The following MKRN2OS variants were observed in gnomAD, a reference collection of about 807,000 sequenced individuals.
MKRN2OS encodes MKRN2 opposite strand protein.
Under a neutral mutation model 18.2 loss-of-function variants are expected in MKRN2OS, and 17 were observed. The observed-to-expected ratio is 0.93, with a 90% CI of 0.64 to 1.40. MKRN2OS has a LOEUF of 1.40. Among genes scored for constraint, MKRN2OS ranks in the 40% most tolerant of loss-of-function variants. MKRN2OS has a pLI of 0.00. For missense variants in MKRN2OS, 337 were observed against 283.0 expected (o/e 1.19, Z -1.37); for synonymous variants, 121 against 108.5 (o/e 1.12, Z -0.72).
At chr3:12,549,074 A>G (rs1474099995), upstream of MKRN2OS, among the ~76,000 whole-genome samples, 1 of 152,094 alleles carries the variant, frequency 6.6e-6, no homozygotes, top group Non-Finnish European at 1.5e-5. Flanking sequence ...AGCTGAGACT[A>G]CAGGCACCCA....
At position 12,557,246 on chromosome 3, in the gene MKRN2OS, C is replaced by T. The variant is rs564005167; in HGVS notation, n.265-3112G>A. On this transcript the variant is annotated intron_variant and non_coding_transcript_variant, in intron 1 of 1. Transcript: ENST00000447550. ...GCAGGGGGGCCGGTGCGCGCCAGTGCTGTGGTCCGGGAACCTGAGGCTAGA... is the reference window on the plus strand; with the variant it reads ...GCAGGGGGGCCGGTGCGCGCCAGTGTTGTGGTCCGGGAACCTGAGGCTAGA... 40 of 1,506,134 alleles carry T rather than the reference C, an allele frequency of 2.7e-5. No homozygotes were observed. In the South Asian group the frequency reaches 4.6e-4, roughly 17 times the overall value. 93.3% of individuals were successfully genotyped at this position (1,506,134 alleles called of 1,614,324 possible). A position where few individuals can be genotyped will look rare whatever the true frequency, so the allele number is the denominator to read the frequency against.
rs2057871282 is a variant in MKRN2OS at position 12,545,340 on chromosome 3, T to C, written c.125A>G (p.Glu42Gly). 1 of 1,536,028 alleles carries C rather than the reference T, an allele frequency of 6.5e-7. No individual in the cohort carries two copies. Among genetic ancestry groups the C allele is most frequent in the Admixed American group, 2.0e-5 (1 of 50,980 alleles). The change falls in exon 1 of 4, where the codon GAG (glutamate) becomes GGG (glycine). Residue 42 changes from glutamate (E) to glycine (G), a missense_variant. Transcript: ENST00000564146. ...CQQDLGSRKLEDAPVSIANPF... is the reference protein window; with the variant it reads ...CQQDLGSRKLGDAPVSIANPF... ...ATTAGCGATGCTAACAGGTGCGTCC[T>C]CCAGCTTCCTCGAGCCCAGGTCCTG...
downstream of MKRN2OS, among the ~76,000 whole-genome samples, chr3:12,551,554 C>G (rs929987783): frequency 2.0e-5 from 3 of 150,682 alleles, no homozygotes; most frequent in Non-Finnish European, 3.0e-5. Flanking sequence ...GAAAATAATC[C>G]AAAGGAATAC....
chr3:12,546,417 C>T (rs530841826), upstream of MKRN2OS, among the ~76,000 whole-genome samples: 83 of 151,910 alleles, frequency 5.5e-4, no homozygotes, highest in African/African-American at 1.9e-3. Context: ...TGTGACTCAT[C>T]TGGGTGTTAA....
chr3:12,557,531 G>C (rs1367848067), intron 1 of MKRN2OS, among the ~76,000 whole-genome samples: 1 of 152,264 alleles, frequency 6.6e-6, no homozygotes, highest in Non-Finnish European at 1.5e-5. Flanking sequence ...TTGAAGTTGA[G>C]TAAAGGGACG....
At chr3:12,545,534 A>C (rs938977627), upstream of MKRN2OS, 31 of 1,190,448 alleles carry the variant, frequency 2.6e-5, no homozygotes, top group Non-Finnish European at 3.3e-5. Context: ...CACCTGGCGA[A>C]TGCACACCGC....
Position 12,540,391 on chromosome 3 carries a change from C to T in MKRN2OS, c.474G>A (p.Thr158=), listed in dbSNP as rs759356593. 176 of 1,535,976 alleles carry T rather than the reference C, an allele frequency of 1.1e-4. No individual in the cohort carries two copies. Among genetic ancestry groups the T allele is most frequent in the Non-Finnish European group, 1.5e-4 (168 of 1,146,910 alleles). The change falls in exon 4 of 4, where the codon ACG becomes ACA. Residue 158 remains threonine, a synonymous_variant. Coordinates refer to ENST00000564146, the MANE Select transcript of MKRN2OS (RefSeq NM_001195279.2). ...NHHNCYSYAL[T]FINCVLMAEG... is the part of the protein sequence containing the mutation. The stretch of plus-strand genomic sequence containing the variant: ...CTGCCATCAGAACGCAGTTAATGAA[C>T]GTGAGTGCGTAAGAGTAGCAGTTAT...
At chr3:12,544,435 G>A (rs563853264) in intron 1 of MKRN2OS, among the ~76,000 whole-genome samples, 1 of 152,232 alleles carries the variant, frequency 6.6e-6, no homozygotes, top group Admixed American at 6.5e-5. Flanking sequence ...CACCACTCTG[G>A]GAGGCTGAGG....
chr3:12,550,689 A>G (rs1413613611), downstream of MKRN2OS, among the ~76,000 whole-genome samples: 2 of 152,158 alleles, frequency 1.3e-5, no homozygotes, highest in Non-Finnish European at 2.9e-5. Flanking sequence ...AACTTGCCTC[A>G]GTCTCTTTTT....
At chr3:12,551,285 G>A (rs1371531530), downstream of MKRN2OS, among the ~76,000 whole-genome samples, 3 of 151,914 alleles carry the variant, frequency 2.0e-5, no homozygotes, top group Non-Finnish European at 4.4e-5. Flanking sequence ...TTGAGGCCAG[G>A]AGTTTTGAGA....
chr3:12,556,128 A>G (rs1231202970), intron 1 of MKRN2OS, among the ~76,000 whole-genome samples: 2 of 152,210 alleles, frequency 1.3e-5, no homozygotes, highest in African/African-American at 4.8e-5. Context: ...GGTGAATGAC[A>G]TGATCCGATT....
upstream of MKRN2OS, among the ~76,000 whole-genome samples, chr3:12,546,575 A>ATTTTTTTTTTT (rs1160434615): frequency 2.1e-4 from 20 of 97,100 alleles, 1 homozygote; most frequent in African/African-American, 4.7e-4. Context: ...GGTACATGGG[A>ATTTTTTTTTTT]TTTTTTTTTT....
At chr3:12,557,168 C>G (rs2125297053) in intron 1 of MKRN2OS, 3 of 1,537,018 alleles carry the variant, frequency 2.0e-6, no homozygotes, top group East Asian at 5.0e-5. Context: ...CCAAGCAGAT[C>G]ACTTGCAGGT....
upstream of MKRN2OS, among the ~76,000 whole-genome samples, chr3:12,546,575 A>ATTTTTTTTTTTT (rs1160434615): frequency 1.0e-4 from 10 of 97,102 alleles, 1 homozygote; most frequent in African/African-American, 1.4e-4. Context: ...GGTACATGGG[A>ATTTTTTTTTTTT]TTTTTTTTTT....
chr3:12,545,800 G>C (rs113318826), upstream of MKRN2OS, among the ~76,000 whole-genome samples: 2 of 152,138 alleles, frequency 1.3e-5, no homozygotes, highest in Admixed American at 1.3e-4. Context: ...TCATATTTCC[G>C]TCAGAACTCT....
chr3:12,545,535 T>A, upstream of MKRN2OS: 1 of 1,183,828 alleles, frequency 8.4e-7, no homozygotes, highest in South Asian at 1.6e-5. Context: ...ACCTGGCGAA[T>A]GCACACCGCC....
chr3:12,546,738 C>G (rs1048789549), upstream of MKRN2OS, among the ~76,000 whole-genome samples: 1 of 151,830 alleles, frequency 6.6e-6, no homozygotes, highest in South Asian at 2.1e-4. Flanking sequence ...CCACCACACC[C>G]AGCTAATTTT....
downstream of MKRN2OS, among the ~76,000 whole-genome samples, chr3:12,551,559 G>A (rs920101849): frequency 2.0e-5 from 3 of 151,268 alleles, no homozygotes; most frequent in African/African-American, 7.3e-5. Flanking sequence ...TAATCCAAAG[G>A]AATACACGAA....
chr3:12,540,034 C>T lies in MKRN2OS; in HGVS notation c.*159G>A. On this transcript the variant is annotated 3_prime_UTR_variant, in exon 4 of 4. Transcript: ENST00000564146. ...TCCCAACCTCAGGTGACCTACCTGTCTTAGCTTCCCAAAGTGCTGGGATTA... is the reference window on the plus strand; with the variant it reads ...TCCCAACCTCAGGTGACCTACCTGTTTTAGCTTCCCAAAGTGCTGGGATTA... 2 of 1,089,744 alleles carry T rather than the reference C, an allele frequency of 1.8e-6. No individual in the cohort carries two copies. Among genetic ancestry groups the T allele is most frequent in the Non-Finnish European group, 2.6e-6 (2 of 772,610 alleles). 67.5% of individuals were successfully genotyped at this position (1,089,744 alleles called of 1,614,324 possible).
Sources: allele counts gnomAD v4.1 joint callset (sites outside exome capture counted in the v4.1 genomes callset), GRCh38; gene constraint gnomAD v4.1.1; transcripts MANE v1.5; gene names NCBI Gene and HGNC (gene_info 2026-07-23, HGNC 2026-07-21).